The following LVRN variants were observed in gnomAD, a reference collection of about 807,000 sequenced individuals.
LVRN encodes the protein aminopeptidase Q.
Under a neutral mutation model 111.4 loss-of-function variants are expected in LVRN, and 99 were observed. That is an observed-to-expected ratio of 0.89 (90% confidence interval 0.76 to 1.05). The LOEUF (loss-of-function observed/expected upper bound fraction) is 1.05, where lower values mean the gene tolerates loss of function less well. Ranked by LOEUF, LVRN falls within the 50% of genes least tolerant of loss-of-function variation. LVRN has a pLI of 0.00. For missense variants in LVRN, 1,414 were observed against 1,206.8 expected, an observed-to-expected ratio of 1.17 and a Z score of -2.54; for synonymous variants, 488 against 449.5, an observed-to-expected ratio of 1.09 and a Z score of -1.08.
intron 6 of LVRN, among the ~76,000 whole-genome samples, chr5:115,996,074 CT>C (rs1561561945): frequency 6.6e-6 from 1 of 152,134 alleles, no homozygotes; most frequent in Non-Finnish European, 1.5e-5. Context: ...TCTTTCATAA[CT>C]TTTATTCACT....
At position 115,984,708 on chromosome 5, in the gene LVRN, A is replaced by G; in HGVS notation, c.977A>G (p.Glu326Gly). 6.2e-7 allele frequency: 1 copy of G among 1,613,424 alleles called. No individual in the cohort carries two copies. The highest frequency in any genetic ancestry group is 8.5e-7 in the Non-Finnish European group (1 of 1,179,634). ...DHVNRTERGKEIRIWARKDAI... is the reference protein window; with the variant it reads ...DHVNRTERGKGIRIWARKDAI... ...GTCAACAGAACAGAAAGGGGCAAGG[A>G]GGTGAGTGAGGAAGATTCTGTAGGT... Residue 326 changes from glutamate to glycine, a missense_variant and splice_region_variant, in exon 3 of 20, where the codon GAG (glutamate) becomes GGG (glycine). Physicochemically the swap from Glu to Gly is moderately conservative, Grantham distance 98. Coordinates refer to ENST00000357872, the MANE Select transcript of LVRN (RefSeq NM_173800.5).
chr5:116,015,631 T>C lies in LVRN; in HGVS notation c.2622T>C (p.Tyr874=), dbSNP rs779650431. The change falls in exon 18 of 20, where the codon TAT becomes TAC. Residue 874 remains tyrosine (Y), a synonymous_variant. Coordinates refer to ENST00000357872, the MANE Select transcript of LVRN (RefSeq NM_173800.5). ...CSKDPWILNR[Y]MEYAISTSPF... The stretch of plus-strand genomic sequence containing the variant: ...TTTTGAAAATGCACTTTTGCAGATA[T>C]ATGGAGTATGCCATCAGCACATCTC... 3 of 1,609,316 alleles carry C rather than the reference T, an allele frequency of 1.9e-6. No individual in the cohort carries two copies. Among genetic ancestry groups the C allele is most frequent in the Non-Finnish European group, 1.7e-6 (2 of 1,178,308 alleles).
chr5:115,975,257 C>T (rs374685820), intron 1 of LVRN: 10 of 431,680 alleles, frequency 2.3e-5, no homozygotes, highest in African/African-American at 1.4e-4. Flanking sequence ...ATATTGTCTG[C>T]TTTATCTAAA....
At chr5:115,974,176 T>C (rs935101704) in intron 1 of LVRN, among the ~76,000 whole-genome samples, 1 of 152,210 alleles carries the variant, frequency 6.6e-6, no homozygotes, top group Non-Finnish European at 1.5e-5. Context: ...CTTTTGATAC[T>C]ACAGATATTG....
intron 6 of LVRN, chr5:115,995,248 G>C (rs1426790230): frequency 6.6e-6 from 1 of 152,084 alleles, no homozygotes; most frequent in Non-Finnish European, 1.5e-5. Flanking sequence ...TTGGTCGATA[G>C]TTTGGCAGGA....
At chr5:116,011,473 A>G (rs1748488129) in intron 14 of LVRN, among the ~76,000 whole-genome samples, 2 of 152,184 alleles carry the variant, frequency 1.3e-5, no homozygotes, top group African/African-American at 4.8e-5. Flanking sequence ...CTTAAACAGT[A>G]ATTATAGGAA....
At chr5:115,973,264 T>G (rs944675612) in intron 1 of LVRN, among the ~76,000 whole-genome samples, 3 of 152,230 alleles carry the variant, frequency 2.0e-5, no homozygotes, top group Non-Finnish European at 4.4e-5. Context: ...CCAGTTGTTC[T>G]TGATGCATTA....
intron 1 of LVRN, among the ~76,000 whole-genome samples, chr5:115,972,259 G>GT (rs1753344004): frequency 6.6e-6 from 1 of 151,850 alleles, no homozygotes; most frequent in Non-Finnish European, 1.5e-5. Flanking sequence ...TGAAAAATAG[G>GT]TTCGCAACTG....
intron 7 of LVRN, among the ~76,000 whole-genome samples, 161 bp from the exon 8 acceptor site, chr5:116,000,272 G>A (rs1324837211): frequency 6.6e-6 from 1 of 152,198 alleles, no homozygotes; most frequent in African/African-American, 2.4e-5. Context: ...ATTAGTGACA[G>A]CCTACTATTT....
At chr5:115,994,170 T>G (rs1413008288) in intron 6 of LVRN, among the ~76,000 whole-genome samples, 4 of 152,164 alleles carry the variant, frequency 2.6e-5, no homozygotes, top group Non-Finnish European at 5.9e-5. Flanking sequence ...TAGATCTTTT[T>G]AAAAAAGATT....
chr5:115,980,909 C>T (rs1753547859), intron 1 of LVRN, among the ~76,000 whole-genome samples: 2 of 152,202 alleles, frequency 1.3e-5, no homozygotes, highest in South Asian at 4.1e-4. Flanking sequence ...GCTCTTTTTC[C>T]ATCCTGCTGG....
intron 18 of LVRN, among the ~76,000 whole-genome samples, chr5:116,016,985 T>G (rs1241568913): frequency 1.3e-5 from 2 of 152,208 alleles, no homozygotes; most frequent in African/African-American, 4.8e-5. Context: ...TACATCAAGG[T>G]GCAGTTCAAA....
rs1300208302 is a variant in LVRN at position 115,962,991 on chromosome 5, T to C, written c.374T>C (p.Leu125Ser). 1 of 1,613,536 alleles carries C rather than the reference T, an allele frequency of 6.2e-7. No individual in the cohort carries two copies. Among genetic ancestry groups the C allele is most frequent in the East Asian group, 2.2e-5 (1 of 44,852 alleles). The change falls in exon 1 of 20, where the codon TTG becomes TCG. Residue 125 changes from leucine (L) to serine (S), a missense_variant. Leu to Ser is a moderately radical substitution (Grantham distance 145). Coordinates refer to ENST00000357872, the MANE Select transcript of LVRN (RefSeq NM_173800.5). ...LRPDELPAGS[L>S]PFTGRVNITV... ...CCCGACGAGCTTCCGGCCGGGTCTT[T>C]GCCCTTCACTGGCCGCGTGAACATC...
chr5:115,997,614 T>G (rs1748144023), intron 6 of LVRN, among the ~76,000 whole-genome samples: 1 of 151,338 alleles, frequency 6.6e-6, no homozygotes, highest in Admixed American at 6.6e-5. Flanking sequence ...CGGCGAGCTA[T>G]GACCACACCA....
intron 19 of LVRN, among the ~76,000 whole-genome samples, chr5:116,024,006 T>G (rs1168619588): frequency 6.6e-6 from 1 of 152,184 alleles, no homozygotes; most frequent in Non-Finnish European, 1.5e-5. Context: ...TCAAGGTGAT[T>G]ATGTTTAGTA....
chr5:115,987,930 C>T lies in LVRN; in HGVS notation c.1096C>T (p.Pro366Ser). 1 of 1,608,560 alleles carries T rather than the reference C, an allele frequency of 6.2e-7. No individual in the cohort carries two copies. The highest frequency in any genetic ancestry group is 8.5e-7 in the Non-Finnish European group (1 of 1,178,314). ...EDLFNISYSL[P>S]KTDIIALPSF... ...TTTGTTTAATATCAGTTACTCTCTT[C>T]CAAAAACAGGTGAGGTAATCTTTTC... Residue 366 changes from proline (P) to serine (S), a missense_variant, in exon 4 of 20, where the codon CCA becomes TCA. Coordinates refer to ENST00000357872, the MANE Select transcript of LVRN (RefSeq NM_173800.5).
chr5:115,973,487 C>A (rs1315801374), intron 1 of LVRN, among the ~76,000 whole-genome samples: 15 of 152,078 alleles, frequency 9.9e-5, no homozygotes, highest in Non-Finnish European at 2.1e-4. Context: ...GGTAATATTT[C>A]TTCTTTAACC....
At chr5:116,021,203 G>T (rs1748721717) in intron 18 of LVRN, 1 of 152,178 alleles carries the variant, frequency 6.6e-6, no homozygotes, top group African/African-American at 2.4e-5. Flanking sequence ...ATTGCCCAAG[G>T]TAATGTCAAA....
intron 6 of LVRN, among the ~76,000 whole-genome samples, chr5:115,996,123 T>C (rs1463262858): frequency 6.6e-6 from 1 of 152,228 alleles, no homozygotes; most frequent in Non-Finnish European, 1.5e-5. Flanking sequence ...TTGAAAGCAG[T>C]TGGGTATGTC....
Sources: gnomAD v4.1 joint callset for allele counts (sites outside exome capture counted in the v4.1 genomes callset) on GRCh38, gnomAD v4.1.1 for gene constraint, MANE v1.5 for transcripts, NCBI Gene and HGNC (gene_info 2026-07-23, HGNC 2026-07-21) for gene names.